Variants in NTM observed in about 807,000 individuals in gnomAD.
NTM encodes the protein IgLON family member 2.
Under a neutral mutation model 42.1 loss-of-function variants are expected in NTM, and 13 were observed. The ratio of observed to expected loss-of-function variants is 0.31; its 90% CI spans 0.20 to 0.49. The LOEUF is 0.49. Among genes scored for constraint, NTM ranks in the 20% least tolerant of loss-of-function variants. The probability of loss-of-function intolerance (pLI) is 0.99; values close to 1 mark genes in which losing one functional copy is unlikely to be tolerated. For missense variants in NTM, 373 were observed against 452.8 expected (o/e 0.82, Z 1.60); for synonymous variants, 187 against 179.2 (o/e 1.04, Z -0.35).
At chr11:132,060,031 G>A (rs1344554163) in intron 2 of NTM, among the ~76,000 whole-genome samples, 1 of 152,092 alleles carries the variant, frequency 6.6e-6, no homozygotes, top group Non-Finnish European at 1.5e-5. Flanking sequence ...GCTTCCTCTA[G>A]ACAAGCTCAT....
At chr11:132,202,319 C>A (rs1424908314) in intron 3 of NTM, among the ~76,000 whole-genome samples, 2 of 152,138 alleles carry the variant, frequency 1.3e-5, no homozygotes, top group African/African-American at 2.4e-5. Context: ...GCAAAGTGCT[C>A]GGAATAGAAG....
Position 132,307,735 on chromosome 11 carries a change from C to G in NTM, c.573C>G (p.Ile191Met). ...SEDEYLEIQG[I>M]TREQSGDYEC... ...ACGAATACTTGGAAATTCAGGGCAT[C>G]ACCAGGGAGCAGTCAGGGGACTACG... Residue 191 changes from isoleucine (I) to methionine (M), a missense_variant, in exon 5 of 9, where the codon ATC (isoleucine) becomes ATG (methionine). By Grantham distance (10) the Ile-to-Met change is conservative. Around this residue, in one of 3 missense-constraint regions of NTM, gnomAD observed 312 missense variants for 353.5 expected, o/e 0.88. Coordinates refer to ENST00000683400, the MANE Select transcript of NTM (RefSeq NM_001352005.2). 6.2e-7 allele frequency: 1 copy of G among 1,614,220 alleles called. No individual in the cohort carries two copies. Among genetic ancestry groups the G allele is most frequent in the Non-Finnish European group, 8.5e-7 (1 of 1,180,036 alleles).
intron 4 of NTM, among the ~76,000 whole-genome samples, chr11:132,267,348 C>T (rs905733848): frequency 1.3e-5 from 2 of 152,124 alleles, no homozygotes; most frequent in Non-Finnish European, 1.5e-5. Flanking sequence ...TATATACATT[C>T]CTCACTCTTT....
chr11:131,396,795 C>T (rs1944609844), intron 1 of NTM, among the ~76,000 whole-genome samples: 1 of 151,808 alleles, frequency 6.6e-6, no homozygotes, highest in South Asian at 2.1e-4. Flanking sequence ...GATTGTGCCA[C>T]TGCACTCCAG....
intron 2 of NTM, among the ~76,000 whole-genome samples, chr11:132,035,447 G>C (rs35662744): frequency 0.064 from 9,730 of 152,300 alleles, 365 homozygotes; most frequent in South Asian, 0.16. Context: ...TTTGCTGAAT[G>C]ATCCACCACA....
At chr11:132,044,045 T>G (rs928047531) in intron 2 of NTM, among the ~76,000 whole-genome samples, 1 of 149,790 alleles carries the variant, frequency 6.7e-6, no homozygotes, top group African/African-American at 2.4e-5. Flanking sequence ...TATATGTGTA[T>G]GGGTATGTGT....
At chr11:131,916,644 G>T (rs924859625) in intron 2 of NTM, among the ~76,000 whole-genome samples, 19 of 152,154 alleles carry the variant, frequency 1.2e-4, no homozygotes, top group African/African-American at 4.6e-4. Context: ...TAAGGTGCTT[G>T]GAGTTTCATT....
chr11:132,117,280 C>T (rs1327058330), intron 2 of NTM, among the ~76,000 whole-genome samples: 2 of 152,132 alleles, frequency 1.3e-5, no homozygotes, highest in East Asian at 1.9e-4. Context: ...GGGAGCATTG[C>T]TTTTTGTTTC....
At chr11:132,144,085 G>A (rs2069787197) in intron 2 of NTM, among the ~76,000 whole-genome samples, 1 of 152,208 alleles carries the variant, frequency 6.6e-6, no homozygotes, top group South Asian at 2.1e-4. Context: ...CTGCATTTCT[G>A]ATGAGCTCCC....
At chr11:132,287,839 A>G (rs2094306978) in intron 4 of NTM, among the ~76,000 whole-genome samples, 1 of 152,214 alleles carries the variant, frequency 6.6e-6, no homozygotes, top group Non-Finnish European at 1.5e-5. Context: ...GTCCAAATGC[A>G]GGATATGGGT....
chr11:132,056,182 T>C (rs989168504), intron 2 of NTM, among the ~76,000 whole-genome samples: 1 of 152,200 alleles, frequency 6.6e-6, no homozygotes, highest in Non-Finnish European at 1.5e-5. Context: ...ATTCAGTAAA[T>C]ACCAAACCAT....
At chr11:131,862,806 C>G (rs745376523) in intron 1 of NTM, among the ~76,000 whole-genome samples, 5 of 152,156 alleles carry the variant, frequency 3.3e-5, no homozygotes, top group Non-Finnish European at 7.4e-5. Flanking sequence ...AAGTATAAAC[C>G]TAGCTGAATT....
intron 3 of NTM, among the ~76,000 whole-genome samples, chr11:132,189,835 A>G (rs2079015024): frequency 6.6e-6 from 1 of 152,334 alleles, no homozygotes; most frequent in South Asian, 2.1e-4. Context: ...CATACAAATG[A>G]ACAATCGTTT....
At position 132,003,538 on chromosome 11, in the gene NTM, G is replaced by A. The variant is rs370880659; in HGVS notation, c.167+91890G>A. On this transcript the variant is annotated intron_variant, in intron 2 of 8. Transcript: ENST00000683400. The surrounding 1 kb of genome is among the most constrained non-coding windows in gnomAD (Gnocchi z 6.0). ...TGGGATTATAAGCATTAGCCACTGC[G>A]CCTGGCCCATGATTTGCATTTTTAA... Among the ~76,000 whole-genome samples the A allele has an allele frequency of 3.9e-5, 6 of 152,070 alleles. No homozygotes were observed. Among genetic ancestry groups the A allele is most frequent in the South Asian group, 2.1e-4 (1 of 4,814 alleles).
intron 4 of NTM, among the ~76,000 whole-genome samples, chr11:132,259,712 TAAATC>T (rs1357380396): frequency 1.3e-5 from 2 of 151,708 alleles, no homozygotes; most frequent in Non-Finnish European, 2.9e-5. Flanking sequence ...TGATCACCAA[TAAATC>T]AACTAGGACA....
chr11:132,154,339 G>A (rs1362274849), intron 3 of NTM, among the ~76,000 whole-genome samples: 1 of 152,176 alleles, frequency 6.6e-6, no homozygotes, highest in Non-Finnish European at 1.5e-5. Context: ...TGGGTAGAAA[G>A]GAGATATATT....
At chr11:131,787,442 T>C (rs574894235) in intron 1 of NTM, among the ~76,000 whole-genome samples, 23 of 151,600 alleles carry the variant, frequency 1.5e-4, no homozygotes, top group Non-Finnish European at 3.4e-4. Context: ...TGCAGTGGCA[T>C]GAGCTCGGCT....
chr11:132,295,161 C>T (rs190972816), intron 4 of NTM, among the ~76,000 whole-genome samples: 12 of 152,152 alleles, frequency 7.9e-5, no homozygotes, highest in Admixed American at 7.9e-4. Flanking sequence ...CACACACAGA[C>T]ACACACGAGA....
chr11:131,868,476 G>A (rs2047445211), intron 1 of NTM, among the ~76,000 whole-genome samples: 1 of 152,152 alleles, frequency 6.6e-6, no homozygotes, highest in Admixed American at 6.5e-5. Flanking sequence ...ATTGTGTCGG[G>A]CTCTGTGCAG....
Sources: gnomAD v4.1 joint callset for allele counts (sites outside exome capture counted in the v4.1 genomes callset) on GRCh38, gnomAD v4.1.1 for gene constraint, gnomAD v4.1.1 regional missense constraint, Gnocchi (gnomAD v3.1) non-coding constraint, MANE v1.5 for transcripts, NCBI Gene and HGNC (gene_info 2026-07-23, HGNC 2026-07-21) for gene names.